Variants in MROH7 observed in about 807,000 individuals in gnomAD.
MROH7 encodes the protein maestro heat-like repeat-containing protein family member 7.
Under a neutral mutation model 129.2 loss-of-function variants are expected in MROH7, and 113 were observed. The observed-to-expected ratio is 0.87, with a 90% CI of 0.75 to 1.02. The LOEUF is 1.02. MROH7 is among the 50% of genes least tolerant of loss of function. MROH7 has a pLI of 0.00. For synonymous variants in MROH7, 655 were observed against 667.9 expected (o/e 0.98, Z 0.30); for missense variants, 1,601 against 1,671.3 (o/e 0.96, Z 0.73).
chr1:54,673,897 C>A (rs919459257), intron 9 of MROH7, 92 bp downstream of exon 9: 3 of 1,516,422 alleles, frequency 2.0e-6, no homozygotes, highest in South Asian at 2.3e-5. Flanking sequence ...TCCCAGGTGG[C>A]TCTTGCCATC....
At chr1:54,704,615 G>A (rs950592257) in intron 21 of MROH7, among the ~76,000 whole-genome samples, 3 of 149,626 alleles carry the variant, frequency 2.0e-5, no homozygotes, top group African/African-American at 4.9e-5. Context: ...TTTTTTTTTT[G>A]TATTTATAGT....
intron 6 of MROH7, 96 bp downstream of exon 6, chr1:54,670,672 C>T: frequency 6.3e-6 from 8 of 1,276,634 alleles, no homozygotes; most frequent in Middle Eastern, 2.2e-4. Flanking sequence ...CCCCAACCCG[C>T]CCCCACCCCT....
intron 3 of MROH7, among the ~76,000 whole-genome samples, chr1:54,662,540 GAA>G (rs751697203): frequency 1.2e-3 from 166 of 141,184 alleles, no homozygotes; most frequent in Middle Eastern, 0.011. Context: ...CCATTTCAAA[GAA>G]AAAAAAAAAA....
rs1175333740 is a variant in MROH7, at chr1:54,701,302, C to G, written c.3265C>G (p.Leu1089Val). 6.3e-7 allele frequency: 1 copy of G among 1,597,946 alleles called. No homozygotes were observed. Among genetic ancestry groups the G allele is most frequent in the Non-Finnish European group, 8.6e-7 (1 of 1,169,270 alleles). The change falls in exon 19 of 24, where the codon CTG (leucine) becomes GTG (valine). Residue 1089 changes from leucine to valine, a missense_variant. Transcript: ENST00000421030. ...GGTCTATGTGGAGATGCTGCAGATC[C>G]TGCTGCCGCACTTCAGCGACGTGAG... Reference protein sequence around the residue: ...SAVYVEMLQILLPHFSDAREV... With the variant: ...SAVYVEMLQIVLPHFSDAREV...
At chr1:54,676,907 C>A (rs551082052) in intron 10 of MROH7, among the ~76,000 whole-genome samples, 3 of 151,990 alleles carry the variant, frequency 2.0e-5, no homozygotes, top group African/African-American at 7.2e-5. Context: ...TGGGGTTTCA[C>A]CATGTTGGTC....
At chr1:54,697,682 C>T in intron 17 of MROH7, 1 of 703,378 alleles carries the variant, frequency 1.4e-6, no homozygotes, top group South Asian at 1.5e-5. Flanking sequence ...TTGTGATACT[C>T]ATGCTTAGGT....
chr1:54,660,265 G>C (rs947241721), intron 3 of MROH7, among the ~76,000 whole-genome samples: 1 of 152,124 alleles, frequency 6.6e-6, no homozygotes, highest in Non-Finnish European at 1.5e-5. Flanking sequence ...GGACAAAAAG[G>C]GGCTGAACTC....
At chr1:54,685,434 AC>A (rs1432101071) in intron 14 of MROH7, among the ~76,000 whole-genome samples, 6 of 152,030 alleles carry the variant, frequency 3.9e-5, no homozygotes, top group African/African-American at 1.4e-4. Context: ...ATGATCAGTG[AC>A]TCCACTTTTC....
intron 5 of MROH7, among the ~76,000 whole-genome samples, chr1:54,669,999 A>T (rs1231206492): frequency 8.3e-6 from 1 of 119,874 alleles, no homozygotes; most frequent in Admixed American, 8.3e-5. Flanking sequence ...GCAAGACTTC[A>T]TGTCAAAAAA....
At chr1:54,658,924 A>T (rs2101079333) in intron 3 of MROH7, among the ~76,000 whole-genome samples, 1 of 152,242 alleles carries the variant, frequency 6.6e-6, no homozygotes, top group Non-Finnish European at 1.5e-5. Flanking sequence ...GTTTCCAGAC[A>T]TTGCTGAATG....
At chr1:54,698,501 C>T in intron 17 of MROH7, 1 of 153,458 alleles carries the variant, frequency 6.5e-6, no homozygotes, top group Non-Finnish European at 1.5e-5. Context: ...ACCTGTCCTG[C>T]CCCCTCCTCC....
At chr1:54,679,535 G>T in intron 12 of MROH7, 96 bp downstream of exon 12, 2 of 1,378,952 alleles carry the variant, frequency 1.5e-6, no homozygotes, top group Non-Finnish European at 2.0e-6. Flanking sequence ...AGTGGGCAGG[G>T]TGGGGTATAC....
intron 15 of MROH7, among the ~76,000 whole-genome samples, chr1:54,688,001 C>A (rs1285176026): frequency 6.7e-6 from 1 of 150,330 alleles, no homozygotes; most frequent in South Asian, 2.1e-4. Flanking sequence ...GACTTCATCG[C>A]TTGAAGTCAG....
Position 54,709,994 on chromosome 1 carries a change from C to A in MROH7, c.3779C>A (p.Ala1260Glu), listed in dbSNP as rs764293392. 4.4e-5 allele frequency: 71 copies of A among 1,614,032 alleles called. No homozygotes were observed. The highest frequency in any genetic ancestry group is 5.6e-5 in the Non-Finnish European group (66 of 1,180,038). ...CCAGAAGCATCAGTGTGCATCTACG[C>A]AGCCCAGGTCCAGGACCACATCCTG... Reference protein sequence around the residue: ...HDPEASVCIYAAQVQDHILAS... With the variant: ...HDPEASVCIYEAQVQDHILAS... Residue 1260 changes from alanine (A) to glutamate (E), a missense_variant, in exon 24 of 24, where the codon GCA becomes GAA. Ala to Glu is a moderately radical substitution (Grantham distance 107, BLOSUM62 -1). Coordinates refer to ENST00000421030, the MANE Select transcript of MROH7 (RefSeq NM_001039464.4).
Position 54,709,957 on chromosome 1 carries a change from T to C in MROH7, c.3742T>C (p.Leu1248=), listed in dbSNP as rs758992821. The change falls in exon 24 of 24, where the codon TTG becomes CTG. Residue 1248 remains leucine (L), a synonymous_variant. Coordinates refer to ENST00000421030, the MANE Select transcript of MROH7 (RefSeq NM_001039464.4). ...LNEVKAALDN[L]RHDPEASVCI... ...TCCCCATGACGCAGCTCTGGATAAC[T>C]TGAGACATGACCCAGAAGCATCAGT... The C allele has an allele frequency of 1.9e-6, 3 of 1,612,770 alleles. No homozygotes were observed. Among genetic ancestry groups the C allele is most frequent in the Non-Finnish European group, 2.5e-6 (3 of 1,178,894 alleles).
At chr1:54,706,610 G>A in intron 22 of MROH7, 73 bp downstream of exon 22, 2 of 1,184,688 alleles carry the variant, frequency 1.7e-6, no homozygotes, top group South Asian at 2.5e-5. Flanking sequence ...CTCCCAGGCT[G>A]CTAGCCCTTT....
chr1:54,689,291 C>T (rs779710033), intron 15 of MROH7, among the ~76,000 whole-genome samples: 4 of 152,126 alleles, frequency 2.6e-5, no homozygotes, highest in Non-Finnish European at 5.9e-5. Context: ...GTGCTGGAAG[C>T]CACCAGAAGC....
At chr1:54,697,714 G>A in intron 17 of MROH7, 1 of 702,942 alleles carries the variant, frequency 1.4e-6, no homozygotes, top group Non-Finnish European at 2.6e-6. Flanking sequence ...AATTTTTTAA[G>A]GTCACAGAGC....
intron 6 of MROH7, 92 bp downstream of exon 6, chr1:54,670,668 C>CA: frequency 2.3e-6 from 2 of 855,240 alleles, no homozygotes; most frequent in Non-Finnish European, 3.5e-6. Context: ...CCTCCCCCAA[C>CA]CCGCCCCCAC....
Sources: allele counts gnomAD v4.1 joint callset (sites outside exome capture counted in the v4.1 genomes callset), GRCh38; gene constraint gnomAD v4.1.1; transcripts MANE v1.5; gene names NCBI Gene and HGNC (gene_info 2026-07-23, HGNC 2026-07-21).